TIMMDC1: variants seen among roughly 807,000 people sequenced by gnomAD.
TIMMDC1 encodes the protein translocase of inner mitochondrial membrane domain containing 1, also known as complex I assembly factor TIMMDC1, mitochondrial.
A neutral mutation model predicts 32.6 loss-of-function variants in TIMMDC1; 25 were observed. The observed-to-expected ratio is 0.77, with a 90% confidence interval of 0.56 to 1.07. The LOEUF (loss-of-function observed/expected upper bound fraction) is 1.07, where lower values mean the gene tolerates loss of function less well. TIMMDC1 is among the 50% of genes least tolerant of loss of function. The pLI is 0.00. For synonymous variants in TIMMDC1, 130 were observed against 127.6 expected, an observed-to-expected ratio of 1.02 and a Z score of -0.13; for missense variants, 329 against 349.2, an observed-to-expected ratio of 0.94 and a Z score of 0.46.
intron 5 of TIMMDC1, among the ~76,000 whole-genome samples, chr3:119,515,530 A>G (rs569020829): frequency 5.1e-4 from 77 of 152,314 alleles, no homozygotes; most frequent in African/African-American, 1.6e-3. Context: ...TCTGAAATCA[A>G]TTTTGCCATG....
intron 5 of TIMMDC1, among the ~76,000 whole-genome samples, chr3:119,517,002 T>A (rs141307832): frequency 9.9e-4 from 151 of 152,334 alleles, no homozygotes; most frequent in African/African-American, 3.4e-3. Flanking sequence ...TTGTAGTGAT[T>A]GTTTTTGTCT....
At position 119,516,041 on chromosome 3, in the gene TIMMDC1, C is replaced by A. The variant is rs560616383; in HGVS notation, c.597-1164C>A. On this transcript the variant is annotated intron_variant, in intron 5 of 6. Transcript: ENST00000494664. ...TTGCTTTTGTTGTAGTGTTAATATA[C>A]CAGTTTGGTTTGAAGGGAAAAGTTG... Among the ~76,000 whole-genome samples the A allele has an allele frequency of 3.3e-5, 5 of 152,174 alleles. No homozygotes were observed. The South Asian group carries it at 1.0e-3, about 32-fold the overall frequency.
At position 119,523,776 on chromosome 3, in the gene TIMMDC1, C is replaced by G. The variant is rs1188438046; in HGVS notation, c.*20C>G. 1 of 1,571,262 alleles carries G rather than the reference C, an allele frequency of 6.4e-7. No homozygotes were observed. The highest frequency in any genetic ancestry group is 1.2e-5 in the South Asian group (1 of 84,388). The stretch of plus-strand genomic sequence containing the variant: ...GACTGAAAGTGCTCTGAACTTGAAA[C>G]TCACTGGAGAGCTGAAGGGAGCTGC... On this transcript the variant is annotated 3_prime_UTR_variant, in exon 7 of 7. Coordinates refer to ENST00000494664, the MANE Select transcript of TIMMDC1 (RefSeq NM_016589.4).
intron 2 of TIMMDC1, 38 bp downstream of exon 2, chr3:119,500,898 G>A: frequency 1.9e-6 from 3 of 1,590,562 alleles, no homozygotes; most frequent in Non-Finnish European, 2.6e-6. Context: ...GGGGCACACT[G>A]ACTTAGTAAT....
chr3:119,518,462 A>C, intron 6 of TIMMDC1, among the ~76,000 whole-genome samples: 1 of 151,796 alleles, frequency 6.6e-6, no homozygotes, highest in East Asian at 1.9e-4. Flanking sequence ...CAAGGACTTA[A>C]GTGCTATATG....
intron 4 of TIMMDC1, among the ~76,000 whole-genome samples, chr3:119,509,393 A>G (rs751710561): frequency 6.6e-6 from 1 of 152,204 alleles, no homozygotes; most frequent in African/African-American, 2.4e-5. Context: ...AAAATATGAT[A>G]TGTCCATTCA....
chr3:119,515,223 AAAG>A (rs575098509), intron 5 of TIMMDC1, among the ~76,000 whole-genome samples: 1 of 151,640 alleles, frequency 6.6e-6, no homozygotes, highest in Non-Finnish European at 1.5e-5. Context: ...AAAAAAAAAA[AAAG>A]AGGAAAAACT....
chr3:119,516,329 G>A (rs2081985294), intron 5 of TIMMDC1, among the ~76,000 whole-genome samples: 1 of 152,132 alleles, frequency 6.6e-6, no homozygotes, highest in Non-Finnish European at 1.5e-5. Context: ...TACTTCATAT[G>A]AGTGGAATCA....
At chr3:119,523,282 A>G (rs577044349) in intron 6 of TIMMDC1, among the ~76,000 whole-genome samples, 4 of 152,306 alleles carry the variant, frequency 2.6e-5, no homozygotes, top group South Asian at 4.1e-4. Context: ...CGAGACTTCA[A>G]GCCTTCACAC....
intron 6 of TIMMDC1, among the ~76,000 whole-genome samples, chr3:119,518,212 T>C (rs2081998571): frequency 6.6e-6 from 1 of 152,124 alleles, no homozygotes; most frequent in Admixed American, 6.5e-5. Flanking sequence ...AGATTCAATA[T>C]GTAAGATGAA....
At chr3:119,519,467 G>A (rs2082008424) in intron 6 of TIMMDC1, among the ~76,000 whole-genome samples, 1 of 149,540 alleles carries the variant, frequency 6.7e-6, no homozygotes, top group Non-Finnish European at 1.5e-5. Context: ...CTATACTTAT[G>A]CTAGATAAAA....
intron 6 of TIMMDC1, among the ~76,000 whole-genome samples, chr3:119,519,510 A>G (rs1001495570): frequency 2.0e-5 from 3 of 152,192 alleles, no homozygotes; most frequent in African/African-American, 7.2e-5. Context: ...AAAAAGAGAC[A>G]AGGTCATTAT....
chr3:119,509,778 C>T (rs1027262145), intron 4 of TIMMDC1, among the ~76,000 whole-genome samples: 2 of 151,666 alleles, frequency 1.3e-5, no homozygotes, highest in East Asian at 1.9e-4. Flanking sequence ...CTCCACCTTC[C>T]GGGTTCAAGG....
chr3:119,506,740 GT>G (rs1699867156), intron 4 of TIMMDC1, among the ~76,000 whole-genome samples: 1 of 151,880 alleles, frequency 6.6e-6, no homozygotes, highest in African/African-American at 2.4e-5. Flanking sequence ...CCACTTTTCT[GT>G]TTGAAATTCT....
intron 4 of TIMMDC1, among the ~76,000 whole-genome samples, chr3:119,507,421 G>A (rs1254436981): frequency 1.3e-5 from 2 of 152,188 alleles, no homozygotes; most frequent in African/African-American, 4.8e-5. Context: ...TTCCTCAGCT[G>A]TGTCCAGTCT....
chr3:119,523,660 A>G lies in TIMMDC1; in HGVS notation c.762A>G (p.Leu254=), dbSNP rs780589955. The G allele has an allele frequency of 2.5e-6, 4 of 1,613,466 alleles. No homozygotes were observed. Among genetic ancestry groups the G allele is most frequent in the Non-Finnish European group, 3.4e-6 (4 of 1,179,740 alleles). The change falls in exon 7 of 7, where the codon TTA becomes TTG. Residue 254 remains leucine (L), a synonymous_variant. Transcript: ENST00000494664. ...EHLPEKIESS[L]QEDEPENDAK... ...TCCCTGAGAAAATTGAAAGTAGTTTACAGGAAGATGAACCTGAGAATGATG... is the reference window on the plus strand; with the variant it reads ...TCCCTGAGAAAATTGAAAGTAGTTTGCAGGAAGATGAACCTGAGAATGATG...
At chr3:119,512,584 GTTGT>G (rs2081960857) in intron 4 of TIMMDC1, among the ~76,000 whole-genome samples, 2 of 151,776 alleles carry the variant, frequency 1.3e-5, no homozygotes, top group African/African-American at 4.8e-5. Context: ...GGCCCCAGTT[GTTGT>G]TTTTGTTTTT....
intron 4 of TIMMDC1, among the ~76,000 whole-genome samples, chr3:119,504,327 A>G (rs552426824): frequency 1.3e-5 from 2 of 152,242 alleles, no homozygotes; most frequent in South Asian, 4.1e-4. Flanking sequence ...GTAGTCAAAG[A>G]AGGCCTTTCT....
At chr3:119,509,232 T>C (rs2081937811) in intron 4 of TIMMDC1, among the ~76,000 whole-genome samples, 1 of 152,160 alleles carries the variant, frequency 6.6e-6, no homozygotes, top group African/African-American at 2.4e-5. Flanking sequence ...TATAATTTAC[T>C]GTGCAACTCA....
Sources: gnomAD v4.1 joint callset for allele counts (sites outside exome capture counted in the v4.1 genomes callset) on GRCh38, gnomAD v4.1.1 for gene constraint, MANE v1.5 for transcripts, NCBI Gene and HGNC (gene_info 2026-07-23, HGNC 2026-07-21) for gene names.